Variants in ARHGAP24 observed in about 807,000 individuals in gnomAD.
ARHGAP24 encodes the protein rho GTPase-activating protein 24.
In ARHGAP24, 50 loss-of-function variants were observed where a neutral mutation model predicts 76.4. That is an observed-to-expected ratio of 0.65 (90% confidence interval 0.52 to 0.83). ARHGAP24 has a LOEUF of 0.83. Among genes scored for constraint, ARHGAP24 ranks in the 40% least tolerant of loss-of-function variants. ARHGAP24 has a pLI of 0.00. For synonymous variants in ARHGAP24, 345 were observed against 323.3 expected (o/e 1.07, Z -0.72); for missense variants, 930 against 914.2 (o/e 1.02, Z -0.22).
At chr4:85,660,782 G>C (rs905583878) in intron 2 of ARHGAP24, among the ~76,000 whole-genome samples, 1 of 56,812 alleles carries the variant, frequency 1.8e-5, no homozygotes, top group African/African-American at 5.4e-5. Context: ...GTGACAGAGA[G>C]AGACTCCGTC....
chr4:85,675,804 C>A (rs959682685), intron 2 of ARHGAP24, among the ~76,000 whole-genome samples: 4 of 152,278 alleles, frequency 2.6e-5, no homozygotes, highest in East Asian at 1.9e-4. Context: ...TTGAACATTC[C>A]TCTGATGTTT....
At chr4:85,972,861 T>C (rs1230082166) in intron 6 of ARHGAP24, among the ~76,000 whole-genome samples, 5 of 152,214 alleles carry the variant, frequency 3.3e-5, no homozygotes, top group Non-Finnish European at 5.9e-5. Flanking sequence ...GTGTGCACGA[T>C]TGGCTTCTTT....
intron 3 of ARHGAP24, among the ~76,000 whole-genome samples, chr4:85,880,158 A>G: frequency 6.6e-6 from 1 of 152,248 alleles, no homozygotes; most frequent in East Asian, 1.9e-4. Flanking sequence ...TGATAATAAA[A>G]TAGAACAATT....
intron 3 of ARHGAP24, among the ~76,000 whole-genome samples, chr4:85,859,453 A>G (rs1386167415): frequency 6.6e-6 from 1 of 152,192 alleles, no homozygotes; most frequent in Non-Finnish European, 1.5e-5. Flanking sequence ...CTCGGCAGAT[A>G]AAAATAAAGT....
chr4:85,744,019 G>C, intron 3 of ARHGAP24, among the ~76,000 whole-genome samples: 1 of 151,910 alleles, frequency 6.6e-6, no homozygotes, highest in East Asian at 1.9e-4. Flanking sequence ...TGTTTGGTAG[G>C]TGATTTTCAT....
chr4:85,710,886 C>A (rs1372960990), intron 2 of ARHGAP24, among the ~76,000 whole-genome samples: 2 of 151,976 alleles, frequency 1.3e-5, no homozygotes, highest in Non-Finnish European at 2.9e-5. Context: ...TTTGACCCAG[C>A]AATCCCATTA....
chr4:85,553,361 C>A (rs181044376), intron 1 of ARHGAP24, among the ~76,000 whole-genome samples: 1 of 152,250 alleles, frequency 6.6e-6, no homozygotes, highest in East Asian at 1.9e-4. Flanking sequence ...CCACATCCTG[C>A]TGATTTGTCC....
intron 1 of ARHGAP24, among the ~76,000 whole-genome samples, chr4:85,529,135 A>G (rs1578010707): frequency 6.6e-6 from 1 of 152,042 alleles, no homozygotes; most frequent in South Asian, 2.1e-4. Flanking sequence ...ATGTGCACAT[A>G]TAGTAAAAAC....
chr4:85,725,354 A>G (rs950768095), intron 3 of ARHGAP24, among the ~76,000 whole-genome samples: 1 of 152,216 alleles, frequency 6.6e-6, no homozygotes, highest in South Asian at 2.1e-4. Flanking sequence ...TCTCAGTCAT[A>G]TGAAACTGCC....
At chr4:85,515,531 A>G (rs1343211934) in intron 1 of ARHGAP24, among the ~76,000 whole-genome samples, 1 of 151,712 alleles carries the variant, frequency 6.6e-6, no homozygotes, top group Non-Finnish European at 1.5e-5. Context: ...TTACACAAAA[A>G]GTAGGATGTT....
chr4:85,564,462 A>G (rs567416804), intron 1 of ARHGAP24, among the ~76,000 whole-genome samples: 1,357 of 25,374 alleles, frequency 0.053, 12 homozygotes, highest in Non-Finnish European at 0.12. Flanking sequence ...TAATGGGTGC[A>G]GCACACCAAC....
At chr4:85,582,255 A>G (rs1165493313) in intron 2 of ARHGAP24, among the ~76,000 whole-genome samples, 4 of 152,162 alleles carry the variant, frequency 2.6e-5, no homozygotes, top group Non-Finnish European at 5.9e-5. Context: ...AATTTTGAAT[A>G]TTGAAGTAAA....
chr4:85,884,408 T>C (rs1314861773), intron 3 of ARHGAP24, among the ~76,000 whole-genome samples: 1 of 152,186 alleles, frequency 6.6e-6, no homozygotes, highest in Non-Finnish European at 1.5e-5. Context: ...GAGCCCTTTG[T>C]TGTGAGGGGA....
rs1740555412 is a variant in ARHGAP24, at chr4:85,994,878, CA to C, written c.1226del (p.Lys409SerfsTer2). ...KTNSPKNSVH[K>X]LDVSRSPPLM... is the part of the protein sequence containing the mutation. ...CCAACAGCCCAAAGAACAGTGTTCA[CA>C]AGCTAGATGTGTCTAGAAGCCCCCC... On this transcript the variant is annotated frameshift_variant, in exon 9 of 10. Coordinates refer to ENST00000395184, the MANE Select transcript of ARHGAP24 (RefSeq NM_001025616.3). LOFTEE classifies it high-confidence loss of function. 1 of 1,613,988 alleles carries C rather than the reference CA, an allele frequency of 6.2e-7. No individual in the cohort carries two copies. The highest frequency in any genetic ancestry group is 2.2e-5 in the East Asian group (1 of 44,870).
chr4:85,862,070 T>G (rs994800306), intron 3 of ARHGAP24, among the ~76,000 whole-genome samples: 1 of 152,048 alleles, frequency 6.6e-6, no homozygotes, highest in African/African-American at 2.4e-5. Context: ...TTTAAGTACC[T>G]TGGGTGCCTT....
intron 3 of ARHGAP24, among the ~76,000 whole-genome samples, chr4:85,803,809 T>C (rs969995519): frequency 2.0e-5 from 3 of 152,220 alleles, no homozygotes; most frequent in African/African-American, 7.2e-5. Flanking sequence ...TGCATATTCT[T>C]ATTAGAGTCA....
rs553150579 is a variant in ARHGAP24 at position 85,949,086 on chromosome 4, C to T, written c.599+6813C>T. ...GAATGTTCTCTACATTCCAAGTTGC[C>T]GCAGTCGATAGTCTTGTTAATTTTT... On this transcript the variant is annotated intron_variant, in intron 5 of 9. Coordinates refer to ENST00000395184, the MANE Select transcript of ARHGAP24 (RefSeq NM_001025616.3). 4.6e-5 allele frequency among the ~76,000 whole-genome samples: 7 copies of T among 152,248 alleles called. No homozygotes were observed. The East Asian group carries it at 5.8e-4, about 13-fold the overall frequency.
At chr4:85,727,553 T>G (rs1006174492) in intron 3 of ARHGAP24, among the ~76,000 whole-genome samples, 1 of 152,140 alleles carries the variant, frequency 6.6e-6, no homozygotes, top group African/African-American at 2.4e-5. Context: ...CAAAGGTGGA[T>G]TCTACGGATG....
At chr4:85,910,777 G>A (rs11944662) in intron 3 of ARHGAP24, among the ~76,000 whole-genome samples, 98,138 of 151,776 alleles carry the variant, frequency 0.65, 32,508 homozygotes, top group East Asian at 0.99. Flanking sequence ...CAACTGGTCC[G>A]TGGGCTGCCA....
Sources: gnomAD v4.1 joint callset for allele counts (sites outside exome capture counted in the v4.1 genomes callset) on GRCh38, gnomAD v4.1.1 for gene constraint, MANE v1.5 for transcripts, NCBI Gene and HGNC (gene_info 2026-07-23, HGNC 2026-07-21) for gene names.